SPATA6: variants seen among roughly 807,000 people sequenced by gnomAD.
SPATA6 encodes spermatogenesis associated 6.
Under a neutral mutation model 65.3 loss-of-function variants are expected in SPATA6, and 56 were observed. The ratio of observed to expected loss-of-function variants is 0.86; its 90% confidence interval spans 0.69 to 1.07. SPATA6 has a LOEUF of 1.07. SPATA6 is among the 50% of genes least tolerant of loss of function. SPATA6 has a pLI of 0.00. For synonymous variants in SPATA6, 199 were observed against 213.2 expected, an observed-to-expected ratio of 0.93 and a Z score of 0.58; for missense variants, 590 against 594.8, an observed-to-expected ratio of 0.99 and a Z score of 0.08.
chr1:48,400,816 T>C (rs1651093096), intron 6 of SPATA6: 1 of 1,295,110 alleles, frequency 7.7e-7, no homozygotes, highest in Non-Finnish European at 1.0e-6. Flanking sequence ...CTGTAGTTCA[T>C]GGTATGCTTC....
At chr1:48,451,718 G>A (rs1557726345) in intron 2 of SPATA6, 118 bp from the exon 3 acceptor site, 2 of 880,598 alleles carry the variant, frequency 2.3e-6, no homozygotes, top group East Asian at 2.8e-5. Context: ...ATTGAGAACT[G>A]TCAGTTCCTC....
At chr1:48,444,774 TAA>T (rs1277139201) in intron 3 of SPATA6, among the ~76,000 whole-genome samples, 1 of 152,154 alleles carries the variant, frequency 6.6e-6, no homozygotes, top group Non-Finnish European at 1.5e-5. Flanking sequence ...TAAGAGCTGT[TAA>T]CACTCACCAC....
chr1:48,321,741 C>A (rs939797329), intron 11 of SPATA6, among the ~76,000 whole-genome samples: 2 of 152,110 alleles, frequency 1.3e-5, no homozygotes, highest in Admixed American at 1.3e-4. Context: ...GCACATGGAT[C>A]ATTCTCAAGG....
At chr1:48,444,682 C>T (rs2148124664) in intron 3 of SPATA6, among the ~76,000 whole-genome samples, 1 of 152,348 alleles carries the variant, frequency 6.6e-6, no homozygotes, top group South Asian at 2.1e-4. Flanking sequence ...GCTCAGGTCC[C>T]CTTCCATGCT....
At chr1:48,439,753 G>A (rs1265834839) in intron 3 of SPATA6, among the ~76,000 whole-genome samples, 1 of 151,766 alleles carries the variant, frequency 6.6e-6, no homozygotes, top group African/African-American at 2.4e-5. Flanking sequence ...GGCATTAACA[G>A]GCTCACCCTT....
chr1:48,390,598 CA>C (rs1649952865), intron 8 of SPATA6, among the ~76,000 whole-genome samples: 1 of 152,130 alleles, frequency 6.6e-6, no homozygotes, highest in Non-Finnish European at 1.5e-5. Flanking sequence ...GACAAATACA[CA>C]AAATGGTAGA....
chr1:48,293,097 G>A (rs1372565736), downstream of SPATA6, among the ~76,000 whole-genome samples: 1 of 152,218 alleles, frequency 6.6e-6, no homozygotes, highest in Non-Finnish European at 1.5e-5. Context: ...CTGCCACGTG[G>A]CTGACACAAT....
At chr1:48,418,358 A>G (rs772743613) in intron 3 of SPATA6, among the ~76,000 whole-genome samples, 12 of 151,926 alleles carry the variant, frequency 7.9e-5, no homozygotes, top group Non-Finnish European at 1.6e-4. Context: ...GATTAAGCAC[A>G]AAGCAAAATC....
chr1:48,412,446 G>A (rs1652335746), intron 4 of SPATA6, among the ~76,000 whole-genome samples: 1 of 152,102 alleles, frequency 6.6e-6, no homozygotes, highest in South Asian at 2.1e-4. Context: ...AAATATTTTA[G>A]AATGATAAGT....
chr1:48,396,570 A>G (rs1005036003), intron 7 of SPATA6, among the ~76,000 whole-genome samples: 1 of 151,780 alleles, frequency 6.6e-6, no homozygotes, highest in Non-Finnish European at 1.5e-5. Flanking sequence ...ATATAAGAGA[A>G]TATTATTCAA....
chr1:48,462,519 A>G (rs1469528037), intron 1 of SPATA6, among the ~76,000 whole-genome samples: 1 of 152,182 alleles, frequency 6.6e-6, no homozygotes. Context: ...AAAATACATA[A>G]TCATAGTGAA....
At chr1:48,378,839 AT>A (rs1648221246) in intron 9 of SPATA6, among the ~76,000 whole-genome samples, 1 of 152,230 alleles carries the variant, frequency 6.6e-6, no homozygotes, top group Non-Finnish European at 1.5e-5. Flanking sequence ...AATCAACCTA[AT>A]TGCCTATCAA....
intron 11 of SPATA6, among the ~76,000 whole-genome samples, chr1:48,311,094 T>C (rs1472178905): frequency 1.3e-5 from 2 of 152,078 alleles, no homozygotes; most frequent in South Asian, 4.1e-4. Flanking sequence ...TAGAGGAACA[T>C]GGCTATAAAC....
intron 5 of SPATA6, among the ~76,000 whole-genome samples, chr1:48,406,923 G>C (rs1651765099): frequency 6.6e-6 from 1 of 152,134 alleles, no homozygotes. Flanking sequence ...GCATAGCCTG[G>C]GACTTACAGA....
chr1:48,426,635 GAAAA>G (rs570123294), intron 3 of SPATA6, among the ~76,000 whole-genome samples: 1 of 148,730 alleles, frequency 6.7e-6, no homozygotes, highest in Non-Finnish European at 1.5e-5. Context: ...TAAGAGATAA[GAAAA>G]AAAAAATTTT....
rs146239209 is a variant in SPATA6 at position 48,418,411 on chromosome 1, A to G, written c.239-5260T>C. ...TCTGAGCATACAATAAAATTTCATT[A>G]GAAATCAAATGAATTTCTGGGCATG... On this transcript the variant is annotated intron_variant, in intron 3 of 12. Coordinates refer to ENST00000371847, the MANE Select transcript of SPATA6 (RefSeq NM_019073.4). 5.2e-3 allele frequency among the ~76,000 whole-genome samples: 797 copies of G among 152,116 alleles called. 20 individuals carry two copies. The highest frequency in any genetic ancestry group is 0.05 in the South Asian group (240 of 4,816).
chr1:48,275,895 T>G, the SPATA6 span, among the ~76,000 whole-genome samples: 1 of 152,206 alleles, frequency 6.6e-6, no homozygotes, highest in African/African-American at 2.4e-5. Flanking sequence ...TTGGAATCGT[T>G]TCAGAGGTAA....
intron 8 of SPATA6, among the ~76,000 whole-genome samples, chr1:48,391,135 C>A (rs1027890615): frequency 1.4e-5 from 2 of 146,884 alleles, no homozygotes; most frequent in African/African-American, 5.1e-5. Flanking sequence ...GAGACCAAGA[C>A]AGGAGGATCT....
chr1:48,347,465 A>C (rs1313075352), intron 11 of SPATA6, among the ~76,000 whole-genome samples: 1 of 127,664 alleles, frequency 7.8e-6, no homozygotes, highest in Admixed American at 7.8e-5. Flanking sequence ...ATGTATATAT[A>C]ATATAATATA....
Sources: gnomAD v4.1 joint callset for allele counts (sites outside exome capture counted in the v4.1 genomes callset) on GRCh38, gnomAD v4.1.1 for gene constraint, MANE v1.5 for transcripts, NCBI Gene and HGNC (gene_info 2026-07-23, HGNC 2026-07-21) for gene names.